The following NEK1 variants were observed in gnomAD, a reference collection of about 807,000 sequenced individuals.
NEK1 encodes the protein serine/threonine-protein kinase Nek1.
NEK1 carries 137 observed loss-of-function variants against 182.1 expected under a neutral mutation model. The observed-to-expected ratio is 0.75, with a 90% confidence interval of 0.65 to 0.87. The LOEUF (loss-of-function observed/expected upper bound fraction) is 0.87, where lower values mean the gene tolerates loss of function less well. Among genes scored for constraint, NEK1 ranks in the 40% least tolerant of loss-of-function variants. The pLI, the probability that NEK1 is intolerant of heterozygous loss-of-function variation, is 0.00. For synonymous variants in NEK1, 513 were observed against 492.2 expected, an observed-to-expected ratio of 1.04 and a Z score of -0.56; for missense variants, 1,391 against 1,494.4, an observed-to-expected ratio of 0.93 and a Z score of 1.14.
At chr4:169,587,801 G>T (rs561180078) in intron 8 of NEK1, among the ~76,000 whole-genome samples, 188 bp from the exon 9 acceptor site, 5 of 151,834 alleles carry the variant, frequency 3.3e-5, no homozygotes, top group African/African-American at 1.2e-4. Context: ...GAAAATGGTT[G>T]CCCCAACAAT....
At chr4:169,533,225 C>T (rs1757951560) in intron 19 of NEK1, among the ~76,000 whole-genome samples, 2 of 152,176 alleles carry the variant, frequency 1.3e-5, no homozygotes, top group Non-Finnish European at 2.9e-5. Flanking sequence ...TCACCTGAGC[C>T]TTTTAAAATC....
At chr4:169,471,206 G>T (rs1329070266) in intron 26 of NEK1, among the ~76,000 whole-genome samples, 1 of 152,142 alleles carries the variant, frequency 6.6e-6, no homozygotes, top group Non-Finnish European at 1.5e-5. Context: ...GAGGCATTCT[G>T]GTTTTGGGAA....
intron 19 of NEK1, among the ~76,000 whole-genome samples, chr4:169,515,187 G>A (rs1754951288): frequency 6.6e-6 from 1 of 152,038 alleles, no homozygotes; most frequent in African/African-American, 2.4e-5. Context: ...CTCTATATTT[G>A]TAAAGGTTTT....
intron 27 of NEK1, among the ~76,000 whole-genome samples, chr4:169,440,045 G>A (rs1247922389): frequency 2.6e-5 from 4 of 151,284 alleles, no homozygotes; most frequent in African/African-American, 9.7e-5. Context: ...ACAGCATTTC[G>A]CCATGTTGGC....
chr4:169,584,431 G>A (rs1767190545), intron 10 of NEK1, among the ~76,000 whole-genome samples: 1 of 151,862 alleles, frequency 6.6e-6, no homozygotes, highest in South Asian at 2.1e-4. Flanking sequence ...GGGCAATATG[G>A]TGAGTCTCTG....
chr4:169,524,104 A>G (rs989374957), intron 19 of NEK1, among the ~76,000 whole-genome samples: 2 of 152,250 alleles, frequency 1.3e-5, no homozygotes, highest in Admixed American at 6.5e-5. Context: ...AACAATGTTC[A>G]AAGATGAACT....
intron 26 of NEK1, among the ~76,000 whole-genome samples, chr4:169,463,819 G>C (rs1273522103): frequency 1.3e-5 from 2 of 152,068 alleles, no homozygotes; most frequent in South Asian, 2.1e-4. Context: ...TTTTTTAAGA[G>C]ATAGAGTCTC....
intron 12 of NEK1, among the ~76,000 whole-genome samples, chr4:169,570,442 T>C (rs1326917715): frequency 6.8e-6 from 1 of 147,340 alleles, no homozygotes; most frequent in African/African-American, 2.6e-5. Flanking sequence ...AGCCGCCCAG[T>C]CTGGGAGGGA....
rs1397207030 is a variant in NEK1, at chr4:169,426,206, T to C, written c.2914A>G (p.Asn972Asp). 1 of 1,613,566 alleles carries C rather than the reference T, an allele frequency of 6.2e-7. No individual in the cohort carries two copies. The highest frequency in any genetic ancestry group is 1.7e-5 in the Admixed American group (1 of 59,988). ...GAGACTCCATCTTCAGAAACTTCAT[T>C]TTCCTGAATGGTGATCCTATCTGCC... is the stretch of plus-strand genomic sequence containing the variant. ...QSADRITIQE[N>D]EVSEDGVSST... is the part of the protein sequence containing the mutation. The change falls in exon 30 of 36, where the codon AAT (asparagine) becomes GAT (aspartate). Residue 972 changes from asparagine (N) to aspartate (D), a missense_variant. Asn to Asp is a conservative substitution (Grantham distance 23). Coordinates refer to ENST00000507142, the MANE Select transcript of NEK1 (RefSeq NM_001199397.3).
At chr4:169,526,642 T>C (rs942169046) in intron 19 of NEK1, among the ~76,000 whole-genome samples, 1 of 152,244 alleles carries the variant, frequency 6.6e-6, no homozygotes, top group African/African-American at 2.4e-5. Context: ...AGTTAATAAA[T>C]ATACTGTTCA....
intron 27 of NEK1, among the ~76,000 whole-genome samples, chr4:169,459,064 A>G (rs528972576): frequency 6.6e-6 from 1 of 152,206 alleles, no homozygotes; most frequent in South Asian, 2.1e-4. Context: ...AACCCAATCC[A>G]AAACACTTCT....
chr4:169,536,708 G>A (rs1758568263), intron 19 of NEK1, among the ~76,000 whole-genome samples: 1 of 150,802 alleles, frequency 6.6e-6, no homozygotes, highest in Non-Finnish European at 1.5e-5. Context: ...AAGGAATGAT[G>A]TTGAGAAAAT....
intron 27 of NEK1, among the ~76,000 whole-genome samples, chr4:169,445,884 A>G (rs2149448917): frequency 6.6e-6 from 1 of 151,334 alleles, no homozygotes; most frequent in South Asian, 2.1e-4. Flanking sequence ...ACACACACAC[A>G]CATGCACAAA....
At chr4:169,582,325 A>G (rs1433259843) in intron 10 of NEK1, among the ~76,000 whole-genome samples, 1 of 152,180 alleles carries the variant, frequency 6.6e-6, no homozygotes, top group Non-Finnish European at 1.5e-5. Flanking sequence ...CAGGATCAGC[A>G]TTACCTGGAA....
intron 4 of NEK1, among the ~76,000 whole-genome samples, chr4:169,600,751 A>G (rs1770351463): frequency 6.6e-6 from 1 of 152,208 alleles, no homozygotes. Flanking sequence ...GTTATAATGT[A>G]TGTAGCATAA....
In NEK1 at chr4:169,585,409, G is replaced by T; in HGVS notation, c.747C>A (p.Val249=). The part of the protein sequence containing the change: ...FKRNPRDRPS[V]NSILEKGFIA... ...TAAAACCTTTCTCCAATATGGAGTT[G>T]ACTGATGGTCTATCCCTAGGATTTC... The change falls in exon 10 of 36, where the codon GTC becomes GTA. Residue 249 remains valine, a synonymous_variant. Transcript: ENST00000507142. 6.2e-7 allele frequency: 1 copy of T among 1,613,634 alleles called. No individual in the cohort carries two copies. The highest frequency in any genetic ancestry group is 1.1e-5 in the South Asian group (1 of 91,038).
intron 2 of NEK1, 150 bp from the exon 3 acceptor site, chr4:169,602,828 T>C (rs1187442276): frequency 2.0e-6 from 1 of 491,686 alleles, no homozygotes; most frequent in Non-Finnish European, 3.6e-6. Context: ...TTACACTTTA[T>C]ATACTTTACT....
chr4:169,446,202 G>C (rs944559590), intron 27 of NEK1, among the ~76,000 whole-genome samples: 1 of 151,540 alleles, frequency 6.6e-6, no homozygotes, highest in African/African-American at 2.4e-5. Context: ...TAATAATCAA[G>C]CAGAACAAAA....
intron 27 of NEK1, among the ~76,000 whole-genome samples, chr4:169,462,189 G>T (rs1744094133): frequency 6.6e-6 from 1 of 151,716 alleles, no homozygotes; most frequent in South Asian, 2.1e-4. Context: ...AGAGAGTTTT[G>T]CACTGCAGAG....
Sources: gnomAD v4.1 joint callset for allele counts (sites outside exome capture counted in the v4.1 genomes callset) on GRCh38, gnomAD v4.1.1 for gene constraint, MANE v1.5 for transcripts, NCBI Gene and HGNC (gene_info 2026-07-23, HGNC 2026-07-21) for gene names.